Variants in FMNL2 observed in about 807,000 individuals in gnomAD.
FMNL2 encodes formin-like protein 2.
Under a neutral mutation model 130.2 loss-of-function variants are expected in FMNL2, and 51 were observed. The observed-to-expected ratio is 0.39, with a 90% CI of 0.31 to 0.49. The LOEUF (loss-of-function observed/expected upper bound fraction) is 0.49. Ranked by LOEUF, FMNL2 falls within the 20% of genes least tolerant of loss-of-function variation. FMNL2 has a pLI of 0.85. For missense variants in FMNL2, 977 were observed against 1,316.2 expected, an observed-to-expected ratio of 0.74 and a Z score of 3.99; for synonymous variants, 465 against 467.1, an observed-to-expected ratio of 1.00 and a Z score of 0.06.
chr2:152,613,565 A>G (rs1012616614), intron 11 of FMNL2, among the ~76,000 whole-genome samples: 2 of 152,212 alleles, frequency 1.3e-5, no homozygotes, highest in Non-Finnish European at 2.9e-5. Context: ...GGGAAAATCC[A>G]TTTTTCTGAA....
intron 1 of FMNL2, among the ~76,000 whole-genome samples, chr2:152,360,248 GA>G (rs1474468594): frequency 6.6e-6 from 1 of 152,192 alleles, no homozygotes; most frequent in Admixed American, 6.5e-5. Flanking sequence ...TAAGATGACT[GA>G]GAACAATTGT....
At chr2:152,406,655 T>C (rs982819029) in intron 1 of FMNL2, among the ~76,000 whole-genome samples, 3 of 152,206 alleles carry the variant, frequency 2.0e-5, no homozygotes, top group Non-Finnish European at 4.4e-5. Context: ...AGTCATTGCT[T>C]TTGATATTAT....
intron 1 of FMNL2, among the ~76,000 whole-genome samples, chr2:152,407,201 T>TTG (rs1686032281): frequency 2.0e-5 from 3 of 151,270 alleles, no homozygotes; most frequent in South Asian, 2.1e-4. Flanking sequence ...TGTTTTTGTT[T>TTG]TTTTTTTCTT....
Position 152,525,660 on chromosome 2 carries a change from G to A in FMNL2, c.201+3634G>A, listed in dbSNP as rs919106523. On this transcript the variant is annotated intron_variant, in intron 2 of 25. Coordinates refer to ENST00000288670, the MANE Select transcript of FMNL2 (RefSeq NM_052905.4). Reference sequence around the variant, plus strand: ...GATTAAAAAACAAAACAAAAGATGAGCGTGAAGAGGTAGCAGGAAATTGTA... The same window carrying A: ...GATTAAAAAACAAAACAAAAGATGAACGTGAAGAGGTAGCAGGAAATTGTA... 3.0e-4 allele frequency among the ~76,000 whole-genome samples: 46 copies of A among 152,156 alleles called. 1 individual carries two copies. The highest frequency in any genetic ancestry group is 4.4e-5 in the Non-Finnish European group (3 of 68,030).
chr2:152,603,209 C>T (rs987490541), intron 9 of FMNL2, among the ~76,000 whole-genome samples: 2 of 152,116 alleles, frequency 1.3e-5, no homozygotes, highest in Admixed American at 1.3e-4. Context: ...TTGAGATTGG[C>T]AGCAAAGCAG....
chr2:152,389,904 G>A, intron 1 of FMNL2: 1 of 1,034,338 alleles, frequency 9.7e-7, no homozygotes, highest in Admixed American at 1.9e-5. Context: ...AGAGAACCCG[G>A]GAGAAGGTGG....
intron 1 of FMNL2, among the ~76,000 whole-genome samples, chr2:152,344,027 T>A (rs1412512750): frequency 1.3e-5 from 2 of 152,068 alleles, no homozygotes; most frequent in Non-Finnish European, 1.5e-5. Context: ...GGTGCATGCC[T>A]GTAGTCACAG....
intron 9 of FMNL2, among the ~76,000 whole-genome samples, chr2:152,606,623 T>C (rs59644346): frequency 0.26 from 35,048 of 133,482 alleles, 4,833 homozygotes; most frequent in East Asian, 0.34. Flanking sequence ...GAAATCTTTT[T>C]TGACTCTTTT....
At chr2:152,336,735 C>G (rs961756746) in intron 1 of FMNL2, among the ~76,000 whole-genome samples, 1 of 152,112 alleles carries the variant, frequency 6.6e-6, no homozygotes, top group Non-Finnish European at 1.5e-5. Flanking sequence ...TTGGGAGGGA[C>G]ACACACAGGC....
intron 1 of FMNL2, among the ~76,000 whole-genome samples, chr2:152,432,322 A>G (rs1002231492): frequency 2.0e-5 from 3 of 152,058 alleles, no homozygotes; most frequent in African/African-American, 7.3e-5. Context: ...TCATGATTCA[A>G]TCATTCTCTG....
chr2:152,565,470 C>T (rs1179484213), intron 6 of FMNL2, among the ~76,000 whole-genome samples: 1 of 152,100 alleles, frequency 6.6e-6, no homozygotes, highest in Non-Finnish European at 1.5e-5. Context: ...GGAGAGCTGT[C>T]CAGTGGAGAG....
At chr2:152,580,468 T>G (rs944429251) in intron 8 of FMNL2, among the ~76,000 whole-genome samples, 3 of 152,202 alleles carry the variant, frequency 2.0e-5, no homozygotes, top group Non-Finnish European at 2.9e-5. Context: ...CGTGGGAGAT[T>G]TATGGATCTG....
intron 1 of FMNL2, among the ~76,000 whole-genome samples, chr2:152,498,590 C>T (rs375886935): frequency 3.3e-5 from 5 of 152,194 alleles, no homozygotes; most frequent in East Asian, 1.9e-4. Context: ...TTGTTTAAGT[C>T]GTATTACTTC....
chr2:152,448,943 G>A (rs1191132013), intron 1 of FMNL2, among the ~76,000 whole-genome samples: 2 of 152,178 alleles, frequency 1.3e-5, no homozygotes, highest in Non-Finnish European at 1.5e-5. Context: ...CATGCACTTT[G>A]TGTTTGTCGA....
chr2:152,457,424 A>C (rs972123942), intron 1 of FMNL2, among the ~76,000 whole-genome samples: 1 of 152,176 alleles, frequency 6.6e-6, no homozygotes, highest in African/African-American at 2.4e-5. Flanking sequence ...TTTGAAGCTG[A>C]TGTTAGATGA....
intron 4 of FMNL2, among the ~76,000 whole-genome samples, chr2:152,558,527 C>A (rs1049555853): frequency 7.2e-5 from 11 of 152,094 alleles, no homozygotes; most frequent in Non-Finnish European, 1.2e-4. Context: ...TACTTTTTGG[C>A]CCTTATTTTT....
At chr2:152,568,481 G>A (rs956952206) in intron 6 of FMNL2, among the ~76,000 whole-genome samples, 3 of 152,020 alleles carry the variant, frequency 2.0e-5, no homozygotes, top group African/African-American at 4.8e-5. Context: ...GTGAACCACC[G>A]CATCTGGCCC....
At chr2:152,488,943 T>C (rs926250853) in intron 1 of FMNL2, among the ~76,000 whole-genome samples, 5 of 152,178 alleles carry the variant, frequency 3.3e-5, no homozygotes, top group African/African-American at 1.2e-4. Context: ...TGGTAGCATG[T>C]GCCTACAGTC....
chr2:152,435,143 A>G (rs143838248), intron 1 of FMNL2, among the ~76,000 whole-genome samples: 2 of 152,272 alleles, frequency 1.3e-5, no homozygotes, highest in African/African-American at 4.8e-5. Context: ...AGATACCTGT[A>G]CATACATGTA....
Sources: allele counts gnomAD v4.1 joint callset (sites outside exome capture counted in the v4.1 genomes callset), GRCh38; gene constraint gnomAD v4.1.1; transcripts MANE v1.5; gene names NCBI Gene and HGNC (gene_info 2026-07-23, HGNC 2026-07-21).